Variants in NAA10 observed in about 807,000 individuals in gnomAD.
The protein encoded by NAA10 is N-alpha-acetyltransferase 10, NatA catalytic subunit.
Under a neutral mutation model 19.2 loss-of-function variants are expected in NAA10, and 6 were observed. That is an observed-to-expected ratio of 0.31 (90% CI 0.17 to 0.62). The LOEUF is 0.62. NAA10 is among the 20% of genes least tolerant of loss of function. The probability of loss-of-function intolerance (pLI) is 0.83; values close to 1 mark genes in which losing one functional copy is unlikely to be tolerated. For synonymous variants in NAA10, 97 were observed against 79.9 expected (o/e 1.21, Z -1.14); for missense variants, 101 against 198.4 (o/e 0.51, Z 2.95).
intron 2 of NAA10, 88 bp from the exon 3 acceptor site, chrX:153,934,089 G>A (rs1165512357): frequency 3.4e-6 from 3 of 876,020 alleles, no homozygotes; most frequent in Non-Finnish European, 5.1e-6. Flanking sequence ...GTGGCGAGTT[G>A]TGTGATGGCT....
At position 153,930,185 on chromosome X, in the gene NAA10, G is replaced by A. The variant is rs374503313; in HGVS notation, c.510C>T (p.His170=). Residue 170 remains histidine (H), a synonymous_variant, in exon 8 of 8, where the codon CAC becomes CAT. Coordinates refer to ENST00000464845, the MANE Select transcript of NAA10 (RefSeq NM_003491.4). ...RHLELKEKGR[H]VVLGAIENKV... The stretch of plus-strand genomic sequence containing the variant: ...TGTTCTCGATGGCACCCAGCACCAC[G>A]TGCCTGCCCTTCTCTTTCAGCTCCA... The A allele has an allele frequency of 1.2e-4, 140 of 1,209,378 alleles. No individual in the cohort carries two copies. Among genetic ancestry groups the A allele is most frequent in the Non-Finnish European group, 1.5e-4 (134 of 895,028 alleles).
At position 153,932,702 on chromosome X, in the gene NAA10, G is replaced by A. The variant is rs1242535864; in HGVS notation, c.180-118C>T. The A allele has an allele frequency of 8.7e-6, 6 of 687,430 alleles. No individual in the cohort carries two copies. The South Asian group carries it at 9.3e-5, about 11-fold the overall frequency. 56.7% of individuals were successfully genotyped at this position (687,430 alleles called of 1,213,427 possible). A position where few individuals can be genotyped will look rare whatever the true frequency, so the allele number is the denominator to read the frequency against. On this transcript the variant is annotated intron_variant, in intron 3 of 7. Transcript: ENST00000464845. ...CAGCCCCCTAAGACCCCAGCTGGGG[G>A]AGAGCCGGGAGCCTCTTGGATCAGA... is the stretch of plus-strand genomic sequence containing the variant.
At chrX:153,933,124 G>A (rs1161147937) in intron 3 of NAA10, 1 of 120,344 alleles carries the variant, frequency 8.3e-6, no homozygotes, top group Non-Finnish European at 1.7e-5. Flanking sequence ...GTATTACTAA[G>A]TGAAAAAAAG....
At chrX:153,934,643 C>T (rs2148536877) in intron 1 of NAA10, 168 bp from the exon 2 acceptor site, 1 of 549,816 alleles carries the variant, frequency 1.8e-6, no homozygotes, top group Non-Finnish European at 3.1e-6. Context: ...GGAGTGGGCG[C>T]CCCGGAGGTC....
intron 6 of NAA10, 197 bp from the exon 7 acceptor site, chrX:153,931,044 C>T (rs1222995544): frequency 8.8e-7 from 1 of 1,142,828 alleles, no homozygotes; most frequent in African/African-American, 1.8e-5. Context: ...CCGCCCCACC[C>T]GTCCTGCCCC....
rs1557107945 is a variant in NAA10, at chrX:153,934,392, G to A, written c.105C>T (p.Gly35=). ...NYQMKYYFYH[G]LSWPQLSYIA... Reference sequence around the variant, plus strand: ...AGCTGCCCACCTGGGGCCAGGAAAGGCCATGGTAGAAGTAGTATTTCATCT... The same window carrying A: ...AGCTGCCCACCTGGGGCCAGGAAAGACCATGGTAGAAGTAGTATTTCATCT... Residue 35 remains glycine (G), a synonymous_variant, in exon 2 of 8, where the codon GGC becomes GGT. Transcript: ENST00000464845. The A allele has an allele frequency of 1.7e-6, 2 of 1,206,425 alleles. No individual in the cohort carries two copies. The highest frequency in any genetic ancestry group is 1.7e-5 in the African/African-American group (1 of 57,776).
chrX:153,932,629 C>T lies in NAA10; in HGVS notation c.180-45G>A, dbSNP rs922193230. The T allele has an allele frequency of 8.1e-6, 9 of 1,116,607 alleles. No homozygotes were observed. The African/African-American group carries it at 1.6e-4, about 20-fold the overall frequency. The allele number at this position is 1,116,607 out of a possible 1,213,427, so 92.0% of individuals were successfully genotyped here. On this transcript the variant is annotated intron_variant, in intron 3 of 7. Transcript: ENST00000464845. ...AGGCTGCAAAGGAGCTCAGTGTAGG[C>T]ACAGCCACCTCCAGCCCCCCTGCCA... is the stretch of plus-strand genomic sequence containing the variant.
rs1478469140 is a variant in NAA10 at position 153,934,973 on chromosome X, C to G, written c.-69G>C. On this transcript the variant is annotated 5_prime_UTR_variant, in exon 1 of 8. Transcript: ENST00000464845. Reference sequence around the variant, plus strand: ...AGTCAGCTGCCGCCGCGCTCCGAAGCGACGCCGGGACGGCCGGGGCTGGGA... The same window carrying G: ...AGTCAGCTGCCGCCGCGCTCCGAAGGGACGCCGGGACGGCCGGGGCTGGGA... 3.2e-6 allele frequency: 3 copies of G among 923,374 alleles called. No individual in the cohort carries two copies. The highest frequency in any genetic ancestry group is 4.1e-5 in the African/African-American group (2 of 48,599). 76.1% of individuals were successfully genotyped at this position (923,374 alleles called of 1,213,427 possible).
intron 5 of NAA10, 57 bp from the exon 6 acceptor site, chrX:153,932,172 CGT>C (rs2065170226): frequency 6.7e-6 from 8 of 1,196,431 alleles, no homozygotes; most frequent in Middle Eastern, 2.7e-4. Context: ...AGGGGTAGCA[CGT>C]CCAGGTCTTG....
chrX:153,932,885 C>CAA, intron 3 of NAA10: 6 of 302,670 alleles, frequency 2.0e-5, no homozygotes, highest in South Asian at 5.5e-5. Context: ...TTTGTCTCTA[C>CAA]AAAAAAAAAA....
Position 153,932,354 on chromosome X carries a change from G to A in NAA10, c.303C>T (p.Asn101=), listed in dbSNP as rs781871487. The A allele has an allele frequency of 8.3e-7, 1 of 1,211,467 alleles. No individual in the cohort carries two copies. Among genetic ancestry groups the A allele is most frequent in the Admixed American group, 2.2e-5 (1 of 46,035 alleles). The change falls in exon 5 of 8, where the codon AAC becomes AAT. Residue 101 remains asparagine, a synonymous_variant. Coordinates refer to ENST00000464845, the MANE Select transcript of NAA10 (RefSeq NM_003491.4). ...GCAGGGAGACATATTTGGCATTGAA[G>A]TTCTCTATCATGGCTCGAGAGGCCT... The part of the protein sequence containing the change: ...MDQASRAMIE[N]FNAKYVSLHV...
rs2071129 is a variant in NAA10 at position 153,930,468 on chromosome X, T to G, written c.472-245A>C. ...CCCCTTGACCAGCCCTGCCACCCGA[T>G]GAGCCTTGGGCAGAACCCTGACTCA... On this transcript the variant is annotated intron_variant, in intron 7 of 7. Coordinates refer to ENST00000464845, the MANE Select transcript of NAA10 (RefSeq NM_003491.4). The G allele has an allele frequency of 0.25, 114,726 of 451,370 alleles. 14,041 individuals are homozygous for G. The highest frequency in any genetic ancestry group is 0.67 in the East Asian group (18,174 of 27,074). The allele number at this position is 451,370 out of a possible 1,213,427, so 37.2% of individuals were successfully genotyped here.
intron 5 of NAA10, 81 bp downstream of exon 5, chrX:153,932,235 C>T: frequency 8.7e-7 from 1 of 1,154,392 alleles, no homozygotes; most frequent in Non-Finnish European, 1.2e-6. Flanking sequence ...TGGATCTTCA[C>T]CAAAAGCTGA....
chrX:153,931,262 C>T (rs2065165047), intron 6 of NAA10: 6 of 897,795 alleles, frequency 6.7e-6, no homozygotes, highest in Non-Finnish European at 8.3e-6. Context: ...GGTGTGTGTG[C>T]AGACTCGCGT....
Position 153,931,543 on chromosome X carries a change from T to C in NAA10, c.386+528A>G, listed in dbSNP as rs1250329182. 7 of 807,248 alleles carry C rather than the reference T, an allele frequency of 8.7e-6. No homozygotes were observed. The African/African-American group carries it at 1.5e-4, about 18-fold the overall frequency. 66.5% of individuals were successfully genotyped at this position (807,248 alleles called of 1,213,427 possible). On this transcript the variant is annotated intron_variant, in intron 6 of 7. Coordinates refer to ENST00000464845, the MANE Select transcript of NAA10 (RefSeq NM_003491.4). ...CACTTGCAAGCACTTTTTTCCACTG[T>C]CTACTGGGCATGCCAACTGCCAGGT...
At chrX:153,933,836 TA>T in intron 3 of NAA10, 106 bp downstream of exon 3, 1 of 721,018 alleles carries the variant, frequency 1.4e-6, no homozygotes. Flanking sequence ...AATTTTTCTA[TA>T]AACTTTCAAC....
chrX:153,934,179 G>A, intron 2 of NAA10, 178 bp from the exon 3 acceptor site: 1 of 553,968 alleles, frequency 1.8e-6, no homozygotes. Context: ...GACGCAAAGT[G>A]GGGATCCTGC....
chrX:153,934,996 G>A lies in NAA10; in HGVS notation c.-92C>T. ...AGCGACGCCGGGACGGCCGGGGCTG[G>A]GACCGGAGCTGGGCTCGCTGGGCGA... On this transcript the variant is annotated 5_prime_UTR_variant, in exon 1 of 8. Coordinates refer to ENST00000464845, the MANE Select transcript of NAA10 (RefSeq NM_003491.4). 1.2e-6 allele frequency: 1 copy of A among 852,890 alleles called. No homozygotes were observed. Among genetic ancestry groups the A allele is most frequent in the Non-Finnish European group, 1.5e-6 (1 of 684,421 alleles). 70.3% of individuals were successfully genotyped at this position (852,890 alleles called of 1,213,427 possible). A position where few individuals can be genotyped will look rare whatever the true frequency, so the allele number is the denominator to read the frequency against.
intron 2 of NAA10, 58 bp from the exon 3 acceptor site, chrX:153,934,059 G>C: frequency 2.8e-6 from 3 of 1,079,577 alleles, no homozygotes; most frequent in Non-Finnish European, 3.9e-6. Context: ...GAGCCCTTTA[G>C]AGGGACACAA....
Sources: allele counts gnomAD v4.1 joint callset, GRCh38; gene constraint gnomAD v4.1.1; transcripts MANE v1.5; gene names NCBI Gene and HGNC (gene_info 2026-07-23, HGNC 2026-07-21).